Variants in CSNK2A2 observed in about 807,000 individuals in gnomAD.
The protein encoded by CSNK2A2 is casein kinase II subunit alpha'.
A neutral mutation model predicts 54.0 loss-of-function variants in CSNK2A2; 8 were observed. The observed-to-expected ratio is 0.15, with a 90% CI of 0.09 to 0.27. The LOEUF is 0.27. Among genes scored for constraint, CSNK2A2 ranks in the 10% least tolerant of loss-of-function variants. The probability of loss-of-function intolerance (pLI) is 1.00; values close to 1 mark genes in which losing one functional copy is unlikely to be tolerated. For synonymous variants in CSNK2A2, 141 were observed against 153.9 expected (o/e 0.92, Z 0.62); for missense variants, 242 against 439.4 (o/e 0.55, Z 4.02).
intron 4 of CSNK2A2, among the ~76,000 whole-genome samples, chr16:58,183,126 G>A (rs1443263574): frequency 6.6e-6 from 1 of 152,010 alleles, no homozygotes; most frequent in Admixed American, 6.6e-5. Context: ...CTGGGAGGCC[G>A]AGGTGGGTGG....
chr16:58,183,046 A>C (rs924321569), intron 4 of CSNK2A2, among the ~76,000 whole-genome samples: 2 of 152,120 alleles, frequency 1.3e-5, no homozygotes, highest in African/African-American at 4.8e-5. Context: ...ACCTTGTTTT[A>C]GTCATTTTAG....
intron 2 of CSNK2A2, 84 bp downstream of exon 2, chr16:58,196,649 C>G: frequency 1.2e-6 from 1 of 827,332 alleles, no homozygotes; most frequent in Non-Finnish European, 2.2e-6. Flanking sequence ...CTTGCATTGC[C>G]CATTATAGAA....
intron 4 of CSNK2A2, among the ~76,000 whole-genome samples, chr16:58,180,092 A>G (rs1410759104): frequency 1.3e-5 from 2 of 149,644 alleles, no homozygotes; most frequent in Admixed American, 6.6e-5. Flanking sequence ...AAAAAAAAAA[A>G]AAAGAAAAAG....
In CSNK2A2 at chr16:58,197,547, A is replaced by G. The variant is rs887855637; in HGVS notation, c.104+86T>C. ...GCCCGCGGAGGGGTCGGCGGGAGACACCACCGGGCCCGAGTGCGGTTCGCA... is the reference window on the plus strand; with the variant it reads ...GCCCGCGGAGGGGTCGGCGGGAGACGCCACCGGGCCCGAGTGCGGTTCGCA... On this transcript the variant is annotated intron_variant, in intron 1 of 11. Coordinates refer to ENST00000262506, the MANE Select transcript of CSNK2A2 (RefSeq NM_001896.4). The surrounding 1 kb of genome is among the most constrained non-coding windows in gnomAD (Gnocchi z 4.0). 1.9e-5 allele frequency: 16 copies of G among 823,632 alleles called. No individual in the cohort carries two copies. Among genetic ancestry groups the G allele is most frequent in the African/African-American group, 9.3e-5 (5 of 53,736 alleles). 51.0% of individuals were successfully genotyped at this position (823,632 alleles called of 1,614,324 possible). A position where few individuals can be genotyped will look rare whatever the true frequency, so the allele number is the denominator to read the frequency against.
At position 58,164,097 on chromosome 16, in the gene CSNK2A2, A is replaced by G; in HGVS notation, c.1027T>C (p.Ser343Pro). The change falls in exon 11 of 12, where the codon TCC (serine) becomes CCC (proline). Residue 343 changes from serine (S) to proline (P), a missense_variant. Ser to Pro is a moderately conservative substitution (Grantham distance 74). Around this residue, in one of 5 missense-constraint regions of CSNK2A2, gnomAD observed 81 missense variants for 135.0 expected, o/e 0.60. Transcript: ENST00000262506. ...SQPCADNAVL[S>P]SGLTAAR ...CATCGTGCTGCCGTGAGACCACTGG[A>G]AAGCACAGCATTGTCTGCACAAGGC... 6.2e-7 allele frequency: 1 copy of G among 1,613,816 alleles called. No individual in the cohort carries two copies. The highest frequency in any genetic ancestry group is 1.7e-5 in the Admixed American group (1 of 59,984).
intron 5 of CSNK2A2, among the ~76,000 whole-genome samples, chr16:58,169,634 T>C (rs546958704): frequency 1.3e-5 from 2 of 152,282 alleles, no homozygotes; most frequent in South Asian, 4.1e-4. Context: ...ACATGAAGAA[T>C]GACATTCAAA....
chr16:58,187,503 T>C (rs567778282), intron 2 of CSNK2A2, among the ~76,000 whole-genome samples: 3 of 152,344 alleles, frequency 2.0e-5, no homozygotes, highest in East Asian at 3.9e-4. Context: ...AACACTTCTA[T>C]CTAACTTTTC....
intron 5 of CSNK2A2, among the ~76,000 whole-genome samples, chr16:58,173,344 C>A (rs1961791085): frequency 6.6e-6 from 1 of 152,238 alleles, no homozygotes; most frequent in South Asian, 2.1e-4. Flanking sequence ...ACATTCATTT[C>A]ATAGAACTGT....
intron 6 of CSNK2A2, 136 bp downstream of exon 6, chr16:58,168,474 A>C (rs1317383662): frequency 9.6e-6 from 6 of 622,584 alleles, no homozygotes; most frequent in Non-Finnish European, 1.4e-5. Context: ...AACAATGGAG[A>C]TGGGAGAAAT....
chr16:58,177,502 G>C (rs868718452), intron 4 of CSNK2A2, among the ~76,000 whole-genome samples: 23 of 152,282 alleles, frequency 1.5e-4, no homozygotes, highest in Middle Eastern at 3.4e-3. Flanking sequence ...GCCACAGGTG[G>C]GCCTCACTGC....
At chr16:58,167,160 T>C (rs1163081046) in intron 8 of CSNK2A2, 47 bp downstream of exon 8, 3 of 1,358,444 alleles carry the variant, frequency 2.2e-6, no homozygotes, top group Admixed American at 1.9e-5. Flanking sequence ...TGCTATTTTT[T>C]TGGCATTCAC....
intron 4 of CSNK2A2, among the ~76,000 whole-genome samples, chr16:58,183,849 A>AC (rs1031804656): frequency 1.3e-5 from 2 of 152,080 alleles, no homozygotes; most frequent in African/African-American, 4.8e-5. Context: ...GCAAACACAC[A>AC]CTTTGTTATT....
intron 9 of CSNK2A2, among the ~76,000 whole-genome samples, chr16:58,166,304 C>G (rs1961561700): frequency 6.6e-6 from 1 of 152,048 alleles, no homozygotes; most frequent in African/African-American, 2.4e-5. Context: ...CCAAGTTTGG[C>G]CATTAAAAAT....
rs749273567 is a variant in CSNK2A2, at chr16:58,167,237, T to C, written c.696A>G (p.Pro232=). 1.9e-6 allele frequency: 3 copies of C among 1,613,712 alleles called. No homozygotes were observed. The highest frequency in any genetic ancestry group is 2.7e-5 in the African/African-American group (2 of 75,034). The stretch of plus-strand genomic sequence containing the variant: ...CATAGTTGTCCTGTCCATGGAAGAA[T>C]GGTTCCCTTCGAAAGATCATGCTTG... ...MLASMIFRRE[P]FFHGQDNYDQ... The change falls in exon 8 of 12, where the codon CCA becomes CCG. Residue 232 remains proline, a synonymous_variant. Transcript: ENST00000262506.
At position 58,179,785 on chromosome 16, in the gene CSNK2A2, AAAAC is replaced by A. The variant is rs1397781035; in HGVS notation, c.369+4471_369+4474del. ...AACTTAAGCACATGTATTGTCAAGA[AAAAC>A]AAAATCAAGGCCAGGCGTGGTGGCC... On this transcript the variant is annotated intron_variant, in intron 4 of 11. Coordinates refer to ENST00000262506, the MANE Select transcript of CSNK2A2 (RefSeq NM_001896.4). Among the ~76,000 whole-genome samples, 4 of 152,276 alleles carry A rather than the reference AAAAC, an allele frequency of 2.6e-5. No individual in the cohort carries two copies. In the East Asian group the frequency reaches 7.8e-4, roughly 30 times the overall value.
intron 11 of CSNK2A2, chr16:58,160,313 C>T (rs765927980): frequency 2.6e-5 from 4 of 152,220 alleles, no homozygotes; most frequent in Non-Finnish European, 5.9e-5. Context: ...ATTATCCCCT[C>T]ATTTTTTGTA....
chr16:58,196,636 A>C, intron 2 of CSNK2A2, 97 bp downstream of exon 2: 1 of 793,128 alleles, frequency 1.3e-6, no homozygotes, highest in Non-Finnish European at 2.3e-6. Context: ...AATTAAATTC[A>C]AGCTTGCATT....
At chr16:58,163,386 TG>T (rs1961454323) in intron 11 of CSNK2A2, 2 of 152,018 alleles carry the variant, frequency 1.3e-5, no homozygotes, top group Non-Finnish European at 2.9e-5. Context: ...ATGATAACCA[TG>T]GACCAGTTCA....
intron 4 of CSNK2A2, among the ~76,000 whole-genome samples, chr16:58,182,399 A>AAAAAAC (rs1962070786): frequency 6.8e-6 from 1 of 146,276 alleles, no homozygotes; most frequent in Non-Finnish European, 1.5e-5. Context: ...AAAAAAAAAA[A>AAAAAAC]AAAAAACTAG....
Sources: gnomAD v4.1 joint callset for allele counts (sites outside exome capture counted in the v4.1 genomes callset) on GRCh38, gnomAD v4.1.1 for gene constraint, gnomAD v4.1.1 regional missense constraint, Gnocchi (gnomAD v3.1) non-coding constraint, MANE v1.5 for transcripts, NCBI Gene and HGNC (gene_info 2026-07-23, HGNC 2026-07-21) for gene names.